Variants in LCN10 observed in about 807,000 individuals in gnomAD.
LCN10 encodes epididymal-specific lipocalin-10.
In LCN10, 18 loss-of-function variants were observed where a neutral mutation model predicts 25.1. That is an observed-to-expected ratio of 0.72 (90% CI 0.50 to 1.06). The LOEUF (loss-of-function observed/expected upper bound fraction) is 1.06. Ranked by LOEUF, LCN10 falls within the 50% of genes least tolerant of loss-of-function variation. The pLI, the probability that LCN10 is intolerant of heterozygous loss-of-function variation, is 0.00. For missense variants in LCN10, 257 were observed against 258.9 expected (o/e 0.99, Z 0.05); for synonymous variants, 130 against 116.7 (o/e 1.11, Z -0.73).
intron 1 of LCN10, 198 bp downstream of exon 1, chr9:136,742,589 C>T (rs956469036): frequency 9.2e-6 from 6 of 651,258 alleles, no homozygotes; most frequent in Admixed American, 6.1e-5. Context: ...CCCGAACCCC[C>T]TCGAGGCTCC....
intron 1 of LCN10, chr9:136,742,507 G>A: frequency 1.9e-6 from 1 of 530,174 alleles, no homozygotes; most frequent in Non-Finnish European, 3.4e-6. Context: ...CTGCACTCTG[G>A]GCGTCTCCCG....
rs535600146 is a variant in LCN10, at chr9:136,740,336, G to A, written c.476-288C>T. On this transcript the variant is annotated intron_variant, in intron 4 of 5. Transcript: ENST00000497771. This position sits in a 1 kb window ranked among gnomAD's most constrained non-coding sequence, Gnocchi z 5.3. The stretch of plus-strand genomic sequence containing the variant: ...TGCCCCAGCTTGCTGCACCCTGAGC[G>A]TGCCCTGCCTCGACTGAGACCCCAG... 18 of 503,322 alleles carry A rather than the reference G, an allele frequency of 3.6e-5. 1 individual carries two copies. The highest frequency in any genetic ancestry group is 1.4e-4 in the African/African-American group (7 of 51,810). 31.2% of individuals were successfully genotyped at this position (503,322 alleles called of 1,614,324 possible).
Position 136,740,401 on chromosome 9 carries a change from A to C in LCN10, c.476-353T>G. The C allele has an allele frequency of 4.7e-6, 2 of 422,758 alleles. No individual in the cohort carries two copies. The highest frequency in any genetic ancestry group is 8.8e-6 in the Non-Finnish European group (2 of 226,626). 26.2% of individuals were successfully genotyped at this position (422,758 alleles called of 1,614,324 possible). ...TCTACCCGTTCCAACCGGGAGGGCC[A>C]CTCCTTTCCGTGTACCCCAAGTGGT... On this transcript the variant is annotated intron_variant, in intron 4 of 5. Transcript: ENST00000497771. This position sits in a 1 kb window ranked among gnomAD's most constrained non-coding sequence, Gnocchi z 5.3.
chr9:136,740,257 CA>C lies in LCN10; in HGVS notation c.476-210del, dbSNP rs1293019416. On this transcript the variant is annotated intron_variant, in intron 4 of 5. Transcript: ENST00000497771. The surrounding 1 kb of genome is among the most constrained non-coding windows in gnomAD (Gnocchi z 5.3). ...CGGGAAGCCAGGGTCACCACGCTGT[CA>C]CCTGGGGAACCCTCTCTGCCTGCAG... The C allele has an allele frequency of 1.7e-6, 1 of 590,836 alleles. No homozygotes were observed. Among genetic ancestry groups the C allele is most frequent in the Admixed American group, 2.6e-5 (1 of 37,856 alleles). The allele number at this position is 590,836 out of a possible 1,614,324, so 36.6% of individuals were successfully genotyped here. A position where few individuals can be genotyped will look rare whatever the true frequency, so the allele number is the denominator to read the frequency against.
chr9:136,738,201 TAAG>T lies in LCN10; in HGVS notation c.*1321_*1323del, dbSNP rs1846856146. 6.6e-6 allele frequency: 1 copy of T among 152,136 alleles called. No individual in the cohort carries two copies. The allele number at this position is 152,136 out of a possible 1,614,324, so 9.4% of individuals were successfully genotyped here. The stretch of plus-strand genomic sequence containing the variant: ...GCACACAGGAGAGCTTTATTTCTCA[TAAG>T]AGATTGCAGCCAGCAGGGCAGCCCT... On this transcript the variant is annotated 3_prime_UTR_variant, in exon 6 of 6. Transcript: ENST00000497771.
chr9:136,742,053 C>A, intron 1 of LCN10, 33 bp from the exon 2 acceptor site: 1 of 1,610,388 alleles, frequency 6.2e-7, no homozygotes, highest in Middle Eastern at 1.7e-4. Context: ...GGGACAGGAG[C>A]TGCCACCGGG....
intron 2 of LCN10, 70 bp downstream of exon 2, chr9:136,741,811 T>A (rs1338758396): frequency 1.3e-6 from 2 of 1,518,596 alleles, no homozygotes; most frequent in Non-Finnish European, 1.8e-6. Flanking sequence ...CCCAGACTCC[T>A]TTCCAGCCCC....
rs1846882997 is a variant in LCN10 at position 136,739,283 on chromosome 9, CCAG to C, written c.*239_*241del. 1.8e-6 allele frequency: 1 copy of C among 543,518 alleles called. No homozygotes were observed. Among genetic ancestry groups the C allele is most frequent in the South Asian group, 2.0e-5 (1 of 49,820 alleles). The allele number at this position is 543,518 out of a possible 1,614,324, so 33.7% of individuals were successfully genotyped here. A position where few individuals can be genotyped will look rare whatever the true frequency, so the allele number is the denominator to read the frequency against. The stretch of plus-strand genomic sequence containing the variant: ...GAATAGCAGCAGCCTGCAGTGTGCT[CCAG>C]AAGACAGTGGGGAAGGGGCCTGGCT... On this transcript the variant is annotated 3_prime_UTR_variant, in exon 6 of 6. Transcript: ENST00000497771. The surrounding 1 kb of genome is among the most constrained non-coding windows in gnomAD (Gnocchi z 6.1).
Position 136,739,831 on chromosome 9 carries a change from A to C in LCN10, c.574+119T>G, listed in dbSNP as rs1322308198. On this transcript the variant is annotated intron_variant, in intron 5 of 5. Transcript: ENST00000497771. This position sits in a 1 kb window ranked among gnomAD's most constrained non-coding sequence, Gnocchi z 6.1. Reference sequence around the variant, plus strand: ...GGAGGTGGGAGGCACGTTTGGGCGGATCTTTCAAATGGCACCTTTCAAATG... The same window carrying C: ...GGAGGTGGGAGGCACGTTTGGGCGGCTCTTTCAAATGGCACCTTTCAAATG... The C allele has an allele frequency of 2.1e-6, 2 of 950,538 alleles. No homozygotes were observed. The highest frequency in any genetic ancestry group is 5.3e-5 in the East Asian group (2 of 37,890). 58.9% of individuals were successfully genotyped at this position (950,538 alleles called of 1,614,324 possible).
chr9:136,740,039 T>A lies in LCN10; in HGVS notation c.485A>T (p.Asn162Ile). ...YKNLLLFHRQ[N>I]VSSFQSLKEF... Reference sequence around the variant, plus strand: ...CTTCAGACTCTGGAAGCTCGAAACATTCTGCCTATCTGAGGTTGAGATCAG... The same window carrying A: ...CTTCAGACTCTGGAAGCTCGAAACAATCTGCCTATCTGAGGTTGAGATCAG... Residue 162 changes from asparagine to isoleucine, a missense_variant, in exon 5 of 6, where the codon AAT becomes ATT. Coordinates refer to ENST00000497771, the MANE Select transcript of LCN10 (RefSeq NM_001001712.3). The surrounding 1 kb of genome is among the most constrained non-coding windows in gnomAD (Gnocchi z 5.3). 2 of 1,571,790 alleles carry A rather than the reference T, an allele frequency of 1.3e-6. No individual in the cohort carries two copies. Among genetic ancestry groups the A allele is most frequent in the Non-Finnish European group, 1.7e-6 (2 of 1,157,602 alleles).
Position 136,739,023 on chromosome 9 carries a change from C to T in LCN10, c.*502G>A, listed in dbSNP as rs182720827. 175 of 192,246 alleles carry T rather than the reference C, an allele frequency of 9.1e-4. 2 individuals carry two copies. In the East Asian group the frequency reaches 0.021, roughly 23 times the overall value. The allele number at this position is 192,246 out of a possible 1,614,324, so 11.9% of individuals were successfully genotyped here. The stretch of plus-strand genomic sequence containing the variant: ...CTGAAGTTGGCTTCTCCTGATCAGG[C>T]ATCAACTCTGGGACTGCGTTTGCCG... On this transcript the variant is annotated 3_prime_UTR_variant, in exon 6 of 6. Coordinates refer to ENST00000497771, the MANE Select transcript of LCN10 (RefSeq NM_001001712.3). This position sits in a 1 kb window ranked among gnomAD's most constrained non-coding sequence, Gnocchi z 6.1.
In LCN10 at chr9:136,739,632, C is replaced by T. The variant is rs1021079817; in HGVS notation, c.575-79G>A. On this transcript the variant is annotated intron_variant, in intron 5 of 5. Transcript: ENST00000497771. The surrounding 1 kb of genome is among the most constrained non-coding windows in gnomAD (Gnocchi z 6.1). ...GAGCCGTGAACACGTCTCCCCCGGC[C>T]GCTCCCTGGTTCCATGCGTGCTCGT... 4.6e-5 allele frequency: 64 copies of T among 1,389,250 alleles called. No homozygotes were observed. The highest frequency in any genetic ancestry group is 5.8e-5 in the Non-Finnish European group (58 of 999,514). 86.1% of individuals were successfully genotyped at this position (1,389,250 alleles called of 1,614,324 possible).
At chr9:136,742,633 G>A in intron 1 of LCN10, 154 bp downstream of exon 1, 1 of 959,568 alleles carries the variant, frequency 1.0e-6, no homozygotes, top group Non-Finnish European at 1.5e-6. Flanking sequence ...GGGCCCCTGT[G>A]CTGGAGGCTG....
intron 1 of LCN10, 123 bp from the exon 2 acceptor site, chr9:136,742,143 G>A (rs1053291966): frequency 3.4e-5 from 42 of 1,245,030 alleles, no homozygotes; most frequent in Non-Finnish European, 4.4e-5. Flanking sequence ...TCCCAGCTCC[G>A]CCCAGGTGCC....
rs1846872086 is a variant in LCN10 at position 136,738,788 on chromosome 9, C to A, written c.*737G>T. On this transcript the variant is annotated 3_prime_UTR_variant, in exon 6 of 6. Transcript: ENST00000497771. ...GGGGATGCACCCCTGCTCCTCCAGC[C>A]CCACCCAAACTGACTTAACACCCAC... 6.6e-6 allele frequency: 1 copy of A among 152,304 alleles called. No individual in the cohort carries two copies. The highest frequency in any genetic ancestry group is 2.1e-4 in the South Asian group (1 of 4,838). 9.4% of individuals were successfully genotyped at this position (152,304 alleles called of 1,614,324 possible).
chr9:136,740,192 C>T lies in LCN10; in HGVS notation c.476-144G>A, dbSNP rs1164125603. 2.1e-5 allele frequency: 14 copies of T among 671,392 alleles called. 1 individual carries two copies. The highest frequency in any genetic ancestry group is 1.9e-4 in the East Asian group (7 of 36,216). 41.6% of individuals were successfully genotyped at this position (671,392 alleles called of 1,614,324 possible). A position where few individuals can be genotyped will look rare whatever the true frequency, so the allele number is the denominator to read the frequency against. On this transcript the variant is annotated intron_variant, in intron 4 of 5. Transcript: ENST00000497771. The surrounding 1 kb of genome is among the most constrained non-coding windows in gnomAD (Gnocchi z 5.3). Reference sequence around the variant, plus strand: ...GCAGGGGTTGGCCAGGGGAGGACAGCGGCCGCTGGGCCCCTCCCCACTTAC... The same window carrying T: ...GCAGGGGTTGGCCAGGGGAGGACAGTGGCCGCTGGGCCCCTCCCCACTTAC...
In LCN10 at chr9:136,739,719, G is replaced by T; in HGVS notation, c.575-166C>A. ...ATCCTGCAGCCACAGCCACGGCATCGCCTGGTCGGATGCAGCATCTGCTCC... is the reference window on the plus strand; with the variant it reads ...ATCCTGCAGCCACAGCCACGGCATCTCCTGGTCGGATGCAGCATCTGCTCC... On this transcript the variant is annotated intron_variant, in intron 5 of 5. Coordinates refer to ENST00000497771, the MANE Select transcript of LCN10 (RefSeq NM_001001712.3). The surrounding 1 kb of genome is among the most constrained non-coding windows in gnomAD (Gnocchi z 6.1). 2 of 750,230 alleles carry T rather than the reference G, an allele frequency of 2.7e-6. No homozygotes were observed. Among genetic ancestry groups the T allele is most frequent in the Non-Finnish European group, 4.6e-6 (2 of 435,718 alleles). The allele number at this position is 750,230 out of a possible 1,614,324, so 46.5% of individuals were successfully genotyped here.
chr9:136,741,496 C>G lies in LCN10; in HGVS notation c.258-135G>C, dbSNP rs1846933130. On this transcript the variant is annotated intron_variant, in intron 2 of 5. Transcript: ENST00000497771. ...CCGGGAAGGTTGGGGCCCCAGGTCCCCAGTTTTTTGCTTCACTATCCAACT... is the reference window on the plus strand; with the variant it reads ...CCGGGAAGGTTGGGGCCCCAGGTCCGCAGTTTTTTGCTTCACTATCCAACT... The G allele has an allele frequency of 4.5e-6, 3 of 672,494 alleles. No individual in the cohort carries two copies. The East Asian group carries it at 8.1e-5, about 18-fold the overall frequency. The allele number at this position is 672,494 out of a possible 1,614,324, so 41.7% of individuals were successfully genotyped here. A position where few individuals can be genotyped will look rare whatever the true frequency, so the allele number is the denominator to read the frequency against.
chr9:136,741,389 C>T, intron 2 of LCN10, 28 bp from the exon 3 acceptor site: 1 of 1,543,018 alleles, frequency 6.5e-7, no homozygotes, highest in Admixed American at 1.7e-5. Flanking sequence ...GCTCAGGCTG[C>T]AGACCAGGGA....
Sources: allele counts gnomAD v4.1 joint callset, GRCh38; gene constraint gnomAD v4.1.1; non-coding constraint Gnocchi (gnomAD v3.1); transcripts MANE v1.5; gene names NCBI Gene and HGNC (gene_info 2026-07-23, HGNC 2026-07-21).